Variants in RBFOX1 observed in about 807,000 individuals in gnomAD.
RBFOX1 encodes RNA binding fox-1 homolog 1, also known as RNA binding protein fox-1 homolog 1.
In RBFOX1, 8 loss-of-function variants were observed where a neutral mutation model predicts 57.7. The observed-to-expected ratio is 0.14, with a 90% CI of 0.08 to 0.25. The LOEUF (loss-of-function observed/expected upper bound fraction) is 0.25, where lower values mean the gene tolerates loss of function less well. RBFOX1 is among the 10% of genes least tolerant of loss of function. RBFOX1 has a pLI of 1.00. For missense variants in RBFOX1, 611 were observed against 548.5 expected, an observed-to-expected ratio of 1.11 and a Z score of -1.14; for synonymous variants, 326 against 222.4, an observed-to-expected ratio of 1.47 and a Z score of -4.15.
rs746576201 is a variant in RBFOX1 at position 7,587,221 on chromosome 16, TATAAG to T, written c.415-22_415-18del. ...TGTCTACTGCATTTCTCTTCTTGCTTATAAGATATTTCTATTTCTTTGCAGCAATT... is the reference window on the plus strand; with the variant it reads ...TGTCTACTGCATTTCTCTTCTTGCTTATATTTCTATTTCTTTGCAGCAATT... On this transcript the variant is annotated intron_variant, in intron 6 of 15. Coordinates refer to ENST00000550418, the MANE Select transcript of RBFOX1 (RefSeq NM_018723.4). The T allele has an allele frequency of 9.2e-6, 14 of 1,515,792 alleles. No individual in the cohort carries two copies. The Admixed American group carries it at 1.3e-4, about 14-fold the overall frequency. 93.9% of individuals were successfully genotyped at this position (1,515,792 alleles called of 1,614,324 possible).
intron 3 of RBFOX1, among the ~76,000 whole-genome samples, chr16:5,694,460 C>T (rs1055808532): frequency 1.3e-5 from 2 of 152,198 alleles, no homozygotes; most frequent in African/African-American, 4.8e-5. Context: ...ATGATACCCA[C>T]TTGGTCTATG....
intron 1 of RBFOX1, among the ~76,000 whole-genome samples, chr16:5,277,080 G>C (rs1278934790): frequency 2.0e-5 from 3 of 151,952 alleles, no homozygotes; most frequent in Admixed American, 1.3e-4. Context: ...AAGAAAATGT[G>C]TTTTTTATAT....
intron 3 of RBFOX1, among the ~76,000 whole-genome samples, chr16:5,730,689 C>T (rs1187501488): frequency 1.3e-5 from 2 of 151,838 alleles, no homozygotes; most frequent in South Asian, 2.1e-4. Context: ...CCAATGTCAC[C>T]ACCATCATTA....
At chr16:6,824,478 A>G (rs2091838682) in intron 3 of RBFOX1, among the ~76,000 whole-genome samples, 1 of 152,184 alleles carries the variant, frequency 6.6e-6, no homozygotes, top group African/African-American at 2.4e-5. Context: ...AGAAAATGGT[A>G]GTGGTGTTTT....
intron 4 of RBFOX1, among the ~76,000 whole-genome samples, chr16:7,248,428 C>T (rs891417339): frequency 6.6e-6 from 1 of 152,192 alleles, no homozygotes; most frequent in African/African-American, 2.4e-5. Context: ...CCCTTCATAT[C>T]TTTCCAGTCA....
intron 4 of RBFOX1, among the ~76,000 whole-genome samples, chr16:5,956,840 T>TC (rs1197461522): frequency 6.6e-6 from 1 of 150,606 alleles, no homozygotes; most frequent in East Asian, 2.0e-4. Context: ...TGGCTAATTT[T>TC]TTTTTTTTTT....
chr16:6,428,051 G>A (rs1275378414), intron 2 of RBFOX1, among the ~76,000 whole-genome samples: 1 of 152,114 alleles, frequency 6.6e-6, no homozygotes, highest in African/African-American at 2.4e-5. Context: ...GGGAGGCCGA[G>A]GCAGGCAAAT....
chr16:6,844,725 T>C (rs1043595337), intron 3 of RBFOX1, among the ~76,000 whole-genome samples: 5 of 152,224 alleles, frequency 3.3e-5, no homozygotes, highest in African/African-American at 1.2e-4. Flanking sequence ...TTGGGTCAAA[T>C]GGTATTTCTG....
At chr16:6,873,596 C>G (rs574377232) in intron 3 of RBFOX1, among the ~76,000 whole-genome samples, 4 of 152,132 alleles carry the variant, frequency 2.6e-5, no homozygotes, top group African/African-American at 9.6e-5. Flanking sequence ...ACATATTACA[C>G]GTCTAGTTTT....
intron 1 of RBFOX1, among the ~76,000 whole-genome samples, chr16:5,325,701 C>A (rs1379410175): frequency 1.3e-5 from 2 of 152,150 alleles, no homozygotes; most frequent in Non-Finnish European, 2.9e-5. Context: ...CCTTTTCAGA[C>A]TAGCTGCTTT....
chr16:6,947,067 T>C (rs901806527), intron 3 of RBFOX1, among the ~76,000 whole-genome samples: 4 of 152,296 alleles, frequency 2.6e-5, no homozygotes, highest in African/African-American at 9.6e-5. Context: ...TGAGAGAAGG[T>C]CTGTGCTTTC....
intron 4 of RBFOX1, among the ~76,000 whole-genome samples, chr16:5,895,159 C>T (rs1460045835): frequency 6.6e-6 from 1 of 152,180 alleles, no homozygotes; most frequent in East Asian, 1.9e-4. Flanking sequence ...ATAAGATTGT[C>T]CATATCAACA....
Position 6,206,448 on chromosome 16 carries a change from A to G in RBFOX1, c.-126-110547A>G, listed in dbSNP as rs141694240. ...TCAATTCTTGCTATGATAAACAACT[A>G]ATGTATTTACTCATTTTTTGTCATC... On this transcript the variant is annotated intron_variant, in intron 1 of 15. Coordinates refer to ENST00000550418, the MANE Select transcript of RBFOX1 (RefSeq NM_018723.4). Among the ~76,000 whole-genome samples the G allele has an allele frequency of 5.6e-3, 860 of 152,334 alleles. 4 individuals are homozygous for G. The highest frequency in any genetic ancestry group is 9.4e-3 in the Non-Finnish European group (638 of 68,026).
chr16:5,896,901 G>C (rs1430664347), intron 4 of RBFOX1, among the ~76,000 whole-genome samples: 1 of 151,678 alleles, frequency 6.6e-6, no homozygotes, highest in Non-Finnish European at 1.5e-5. Flanking sequence ...CTTTTGAGCA[G>C]CTGCCAAAAT....
chr16:7,281,067 G>A (rs1395043477), intron 4 of RBFOX1, among the ~76,000 whole-genome samples: 1 of 147,632 alleles, frequency 6.8e-6, no homozygotes, highest in South Asian at 2.2e-4. Context: ...CAGTGGCACA[G>A]TCTTGGCTCA....
chr16:6,100,068 T>G (rs1415841351), intron 1 of RBFOX1, among the ~76,000 whole-genome samples: 1 of 152,202 alleles, frequency 6.6e-6, no homozygotes, highest in East Asian at 1.9e-4. Flanking sequence ...ATAGCAGAGT[T>G]GAATGTTGGG....
intron 3 of RBFOX1, among the ~76,000 whole-genome samples, chr16:6,688,112 C>T (rs1415715160): frequency 4.0e-5 from 6 of 151,872 alleles, no homozygotes; most frequent in African/African-American, 7.3e-5. Context: ...TCATTGGCTC[C>T]GGGTTCAGCA....
At chr16:7,628,608 G>A (rs1207872099) in intron 10 of RBFOX1, among the ~76,000 whole-genome samples, 3 of 152,034 alleles carry the variant, frequency 2.0e-5, no homozygotes, top group South Asian at 2.1e-4. Context: ...CATCTCATAC[G>A]TTGTGATAAA....
intron 1 of RBFOX1, among the ~76,000 whole-genome samples, chr16:6,215,950 G>C (rs180793124): frequency 6.6e-6 from 1 of 152,150 alleles, no homozygotes; most frequent in Admixed American, 6.5e-5. Context: ...GATCACAGCC[G>C]TAAAAAGAAT....
Sources: gnomAD v4.1 joint callset for allele counts (sites outside exome capture counted in the v4.1 genomes callset) on GRCh38, gnomAD v4.1.1 for gene constraint, MANE v1.5 for transcripts, NCBI Gene and HGNC (gene_info 2026-07-23, HGNC 2026-07-21) for gene names.